Variants in BMAL1 observed in about 807,000 individuals in gnomAD.
BMAL1 encodes basic helix-loop-helix ARNT-like protein 1.
chr11:13,318,628 G>A, the BMAL1 span, among the ~76,000 whole-genome samples: 394 of 143,500 alleles, frequency 2.7e-3, 3 homozygotes, highest in African/African-American at 9.0e-3. Flanking sequence ...AATAGGCAAG[G>A]GTTTTGAGCT....
chr11:13,301,813 A>T, the BMAL1 span, among the ~76,000 whole-genome samples: 5 of 152,220 alleles, frequency 3.3e-5, no homozygotes, highest in African/African-American at 1.2e-4. Context: ...CCATGCAATG[A>T]ACCAAATGAG....
At chr11:13,323,411 A>C in the BMAL1 span, among the ~76,000 whole-genome samples, 2 of 152,192 alleles carry the variant, frequency 1.3e-5, no homozygotes, top group Non-Finnish European at 2.9e-5. Context: ...ACCTAACATA[A>C]CTAAACAGAA....
At chr11:13,369,333 C>T in the BMAL1 span, among the ~76,000 whole-genome samples, 1 of 152,206 alleles carries the variant, frequency 6.6e-6, no homozygotes, top group Non-Finnish European at 1.5e-5. Context: ...CTTTGTTAGC[C>T]ATAAGCGTCT....
At chr11:13,343,574 T>TC in the BMAL1 span, among the ~76,000 whole-genome samples, 2 of 151,832 alleles carry the variant, frequency 1.3e-5, no homozygotes, top group Admixed American at 1.3e-4. Flanking sequence ...GGACCAAGAG[T>TC]CCCCCCAGGA....
chr11:13,282,384 C>T, the BMAL1 span, among the ~76,000 whole-genome samples: 1 of 152,208 alleles, frequency 6.6e-6, no homozygotes, highest in Non-Finnish European at 1.5e-5. Context: ...TGGCACATTG[C>T]AAACACTCAG....
At chr11:13,361,043 G>T in the BMAL1 span, among the ~76,000 whole-genome samples, 1 of 152,212 alleles carries the variant, frequency 6.6e-6, no homozygotes, top group Non-Finnish European at 1.5e-5. Context: ...GGTGGAGGTT[G>T]CAGTAAGCTG....
At chr11:13,363,745 CTG>C in the BMAL1 span, among the ~76,000 whole-genome samples, 120 of 152,334 alleles carry the variant, frequency 7.9e-4, no homozygotes, top group African/African-American at 2.7e-3. Context: ...ACCAAGGCCT[CTG>C]TGTCTTTTAT....
chr11:13,343,405 C>A, the BMAL1 span, among the ~76,000 whole-genome samples: 1 of 152,174 alleles, frequency 6.6e-6, no homozygotes, highest in Non-Finnish European at 1.5e-5. Context: ...GAGTAATCTC[C>A]TCGATCTGCT....
chr11:13,378,196 C>A, the BMAL1 span: 3 of 1,195,420 alleles, frequency 2.5e-6, no homozygotes, highest in Non-Finnish European at 2.2e-6. Context: ...TCCTGACAAG[C>A]TGTAGCCCTA....
the BMAL1 span, among the ~76,000 whole-genome samples, chr11:13,338,481 C>T: frequency 6.6e-6 from 1 of 152,210 alleles, no homozygotes; most frequent in South Asian, 2.1e-4. Context: ...ACCCATTGAA[C>T]AGATGTGCCA....
the BMAL1 span, among the ~76,000 whole-genome samples, chr11:13,332,371 A>G: frequency 6.6e-6 from 1 of 152,182 alleles, no homozygotes; most frequent in African/African-American, 2.4e-5. Flanking sequence ...TGTTTTTCCT[A>G]ATCTTTGATA....
At chr11:13,346,593 C>T in the BMAL1 span, among the ~76,000 whole-genome samples, 1 of 152,226 alleles carries the variant, frequency 6.6e-6, no homozygotes, top group South Asian at 2.1e-4. Context: ...TGTGACTTCT[C>T]TTCCACCCTC....
At chr11:13,365,669 A>G in the BMAL1 span, 2 of 1,199,550 alleles carry the variant, frequency 1.7e-6, no homozygotes, top group Non-Finnish European at 2.4e-6. Flanking sequence ...CAGAATAATT[A>G]TAGTATACAA....
the BMAL1 span, chr11:13,381,055 C>A: frequency 8.4e-7 from 1 of 1,191,238 alleles, no homozygotes. Flanking sequence ...AAAAGCTTGC[C>A]AAACCCTAAT....
chr11:13,364,873 G>A, the BMAL1 span, among the ~76,000 whole-genome samples: 2 of 152,282 alleles, frequency 1.3e-5, no homozygotes, highest in Non-Finnish European at 2.9e-5. Context: ...GATAACATTT[G>A]AGAGTAGTAG....
the BMAL1 span, among the ~76,000 whole-genome samples, chr11:13,319,173 C>T: frequency 6.6e-6 from 1 of 152,218 alleles, no homozygotes; most frequent in Admixed American, 6.5e-5. Context: ...TCCATATGTA[C>T]AGATAAATGT....
the BMAL1 span, chr11:13,277,634 C>A: frequency 6.6e-6 from 1 of 151,574 alleles, no homozygotes; most frequent in Non-Finnish European, 1.5e-5. Flanking sequence ...GGGACCGGCT[C>A]CCTTCGGGCG....
At chr11:13,361,471 C>T in the BMAL1 span, among the ~76,000 whole-genome samples, 1 of 152,178 alleles carries the variant, frequency 6.6e-6, no homozygotes, top group Non-Finnish European at 1.5e-5. Context: ...ACAGAATCTT[C>T]CTACCCATCT....
At chr11:13,352,187 G>T in the BMAL1 span, among the ~76,000 whole-genome samples, 1 of 152,164 alleles carries the variant, frequency 6.6e-6, no homozygotes, top group African/African-American at 2.4e-5. Context: ...AAGAAGCAGA[G>T]TCCTCAGCGG....
Sources: gnomAD v4.1 joint callset for allele counts (sites outside exome capture counted in the v4.1 genomes callset) on GRCh38, gnomAD v4.1.1 for gene constraint, MANE v1.5 for transcripts, NCBI Gene and HGNC (gene_info 2026-07-23, HGNC 2026-07-21) for gene names.